Variants in MYO1D observed in about 807,000 individuals in gnomAD.
MYO1D encodes the protein unconventional myosin-Id.
A neutral mutation model predicts 122.0 loss-of-function variants in MYO1D; 83 were observed. The observed-to-expected ratio is 0.68, with a 90% confidence interval of 0.57 to 0.82. MYO1D has a LOEUF of 0.82. Ranked by LOEUF, MYO1D falls within the 40% of genes least tolerant of loss-of-function variation. MYO1D has a pLI of 0.00. For synonymous variants in MYO1D, 464 were observed against 446.9 expected (o/e 1.04, Z -0.48); for missense variants, 1,157 against 1,269.5 (o/e 0.91, Z 1.35).
chr17:32,648,019 G>A (rs1418266008), intron 19 of MYO1D, among the ~76,000 whole-genome samples: 3 of 152,144 alleles, frequency 2.0e-5, no homozygotes, highest in Non-Finnish European at 4.4e-5. Flanking sequence ...TTCGAGACCA[G>A]CCTGGCCAAC....
intron 1 of MYO1D, among the ~76,000 whole-genome samples, chr17:32,793,308 CTT>C (rs59174021): frequency 6.6e-5 from 9 of 137,144 alleles, no homozygotes; most frequent in Admixed American, 7.3e-5. Context: ...AAAAACTAGG[CTT>C]TTTTTTTTTT....
intron 1 of MYO1D, among the ~76,000 whole-genome samples, chr17:32,818,125 C>CAAAAAAAAAAAAAAAAAAA (rs58466009): frequency 0.032 from 1,460 of 45,390 alleles, 15 homozygotes; most frequent in Non-Finnish European, 0.046. Context: ...GACTCCGTCT[C>CAAAAAAAAAAAAAAAAAAA]AAAAAAAAAA....
chr17:32,564,300 CTCTGAAGTTTCTAATTACTCACACAAG>C (rs2087152472), intron 21 of MYO1D, among the ~76,000 whole-genome samples: 1 of 152,218 alleles, frequency 6.6e-6, no homozygotes, highest in Admixed American at 6.5e-5. Context: ...TTTACCCTCC[CTCTGAAGTTTCTAATTACTCACACAAG>C]TCTGGATGTG....
At chr17:32,641,203 G>C (rs911418991) in intron 19 of MYO1D, among the ~76,000 whole-genome samples, 2 of 150,276 alleles carry the variant, frequency 1.3e-5, no homozygotes, top group African/African-American at 4.9e-5. Context: ...TTTTGTCCTT[G>C]CGATAGTTTG....
intron 1 of MYO1D, among the ~76,000 whole-genome samples, chr17:32,834,131 G>A (rs2090799001): frequency 6.6e-6 from 1 of 152,176 alleles, no homozygotes; most frequent in Non-Finnish European, 1.5e-5. Context: ...GATGTTTGCT[G>A]AATAAATGAA....
intron 15 of MYO1D, among the ~76,000 whole-genome samples, chr17:32,712,503 C>G (rs1198951556): frequency 6.6e-6 from 1 of 152,066 alleles, no homozygotes; most frequent in African/African-American, 2.4e-5. Flanking sequence ...CAAACAGATA[C>G]AAGAGAAGGG....
At chr17:32,746,966 T>C (rs1295984016) in intron 12 of MYO1D, among the ~76,000 whole-genome samples, 1 of 152,196 alleles carries the variant, frequency 6.6e-6, no homozygotes, top group East Asian at 1.9e-4. Context: ...ATTTGCGTCA[T>C]TCTGAGTGGT....
intron 21 of MYO1D, among the ~76,000 whole-genome samples, chr17:32,576,732 G>A (rs907625555): frequency 3.3e-5 from 5 of 152,124 alleles, no homozygotes; most frequent in African/African-American, 9.7e-5. Context: ...CATAGCTCCC[G>A]GCAGCCTTGA....
intron 21 of MYO1D, among the ~76,000 whole-genome samples, chr17:32,549,753 G>C (rs146836032): frequency 1.4e-3 from 209 of 152,262 alleles, no homozygotes; most frequent in African/African-American, 4.6e-3. Flanking sequence ...TTCAATCCCA[G>C]AGCCTCATTT....
intron 13 of MYO1D, 99 bp downstream of exon 13, chr17:32,745,112 C>T: frequency 1.4e-6 from 1 of 696,004 alleles, no homozygotes; most frequent in Non-Finnish European, 2.4e-6. Flanking sequence ...AGAAAATGTG[C>T]CAGAAACTCT....
At chr17:32,855,711 TAAA>T (rs1182827547) in intron 1 of MYO1D, among the ~76,000 whole-genome samples, 1 of 152,156 alleles carries the variant, frequency 6.6e-6, no homozygotes, top group Non-Finnish European at 1.5e-5. Flanking sequence ...TTCATTCACT[TAAA>T]AAAATCTTTG....
chr17:32,764,961 G>T lies in MYO1D; in HGVS notation c.952C>A (p.Arg318=), dbSNP rs201262966. The change falls in exon 8 of 22, where the codon CGG becomes AGG. Residue 318 remains arginine, a synonymous_variant. Coordinates refer to ENST00000318217, the MANE Select transcript of MYO1D (RefSeq NM_015194.3). The part of the protein sequence containing the change: ...TDMVEKALLY[R]TVATGRDIID... ...ATGTCACGGCCTGTGGCCACAGTCC[G>T]GTAAAGAAGGGCTTTCTCAACCATA... The T allele has an allele frequency of 6.2e-7, 1 of 1,614,020 alleles. No homozygotes were observed. Among genetic ancestry groups the T allele is most frequent in the South Asian group, 1.1e-5 (1 of 91,088 alleles).
chr17:32,718,186 A>G (rs1163800321), intron 15 of MYO1D, among the ~76,000 whole-genome samples: 2 of 152,154 alleles, frequency 1.3e-5, no homozygotes. Flanking sequence ...TAAGTATATA[A>G]TTCAAGTATA....
chr17:32,806,385 T>C (rs2090512930), intron 1 of MYO1D, among the ~76,000 whole-genome samples: 1 of 152,244 alleles, frequency 6.6e-6, no homozygotes, highest in Non-Finnish European at 1.5e-5. Context: ...ATCCCATTTG[T>C]AAATTAGAAT....
chr17:32,807,222 A>G (rs1330671401), intron 1 of MYO1D, among the ~76,000 whole-genome samples: 1 of 152,206 alleles, frequency 6.6e-6, no homozygotes, highest in Admixed American at 6.5e-5. Context: ...ATAGTGTTTA[A>G]AGCAGTTTAA....
chr17:32,722,747 T>C (rs1247745150), intron 14 of MYO1D, among the ~76,000 whole-genome samples: 1 of 152,218 alleles, frequency 6.6e-6, no homozygotes. Context: ...ATAGTAATAG[T>C]AAGAATAAAA....
chr17:32,770,398 T>A (rs1370694530), intron 6 of MYO1D, among the ~76,000 whole-genome samples: 1 of 152,100 alleles, frequency 6.6e-6, no homozygotes, highest in Non-Finnish European at 1.5e-5. Flanking sequence ...ATCTCACCCA[T>A]CTAGAATAAA....
intron 19 of MYO1D, among the ~76,000 whole-genome samples, chr17:32,649,430 A>G (rs993103491): frequency 6.6e-6 from 1 of 152,090 alleles, no homozygotes; most frequent in African/African-American, 2.4e-5. Flanking sequence ...TAGGTACCAT[A>G]TATAACTGGG....
intron 21 of MYO1D, among the ~76,000 whole-genome samples, chr17:32,571,518 T>C (rs939570729): frequency 6.6e-6 from 1 of 152,212 alleles, no homozygotes; most frequent in African/African-American, 2.4e-5. Flanking sequence ...GATAATTCCT[T>C]GTTCTCCAGA....
Sources: gnomAD v4.1 joint callset for allele counts (sites outside exome capture counted in the v4.1 genomes callset) on GRCh38, gnomAD v4.1.1 for gene constraint, MANE v1.5 for transcripts, NCBI Gene and HGNC (gene_info 2026-07-23, HGNC 2026-07-21) for gene names.